Variants in PROSER2 observed in about 807,000 individuals in gnomAD.
PROSER2 encodes proline and serine-rich protein 2.
In PROSER2, 18 loss-of-function variants were observed where a neutral mutation model predicts 14.6. That is an observed-to-expected ratio of 1.23 (90% CI 0.85 to 1.83). PROSER2 has a LOEUF of 1.83. PROSER2 is among the 40% of genes most tolerant of loss of function. PROSER2 has a pLI of 0.00. For synonymous variants in PROSER2, 367 were observed against 286.4 expected (o/e 1.28, Z -2.84); for missense variants, 823 against 629.8 (o/e 1.31, Z -3.28).
chr10:11,848,150 T>G (rs960715901), intron 1 of PROSER2, among the ~76,000 whole-genome samples: 2 of 151,828 alleles, frequency 1.3e-5, no homozygotes, highest in Non-Finnish European at 2.9e-5. Context: ...TGTTTTTGTT[T>G]TGTTTTGTTT....
Position 11,869,087 on chromosome 10 carries a change from TCATC to T in PROSER2, c.392-400_392-397del, listed in dbSNP as rs761322698. On this transcript the variant is annotated intron_variant, in intron 3 of 3. Transcript: ENST00000277570. The surrounding 1 kb of genome is among the most constrained non-coding windows in gnomAD (Gnocchi z 4.4). ...GGAAAGTGACACAGCTACATGTCCT[TCATC>T]CAGAAAGACCTGCTGGTGTCGGTGT... 2.0e-4 allele frequency among the ~76,000 whole-genome samples: 30 copies of T among 152,206 alleles called. No homozygotes were observed. Among genetic ancestry groups the T allele is most frequent in the Non-Finnish European group, 1.2e-4 (8 of 68,028 alleles).
chr10:11,842,423 T>C (rs547251258), intron 1 of PROSER2, among the ~76,000 whole-genome samples: 1 of 152,220 alleles, frequency 6.6e-6, no homozygotes, highest in South Asian at 2.1e-4. Flanking sequence ...ATTTAGATGG[T>C]AAATGTTCTG....
At chr10:11,854,918 G>A (rs1302677861) in intron 2 of PROSER2, among the ~76,000 whole-genome samples, 1 of 149,948 alleles carries the variant, frequency 6.7e-6, no homozygotes, top group South Asian at 2.1e-4. Flanking sequence ...TTTTTTTAAT[G>A]TGACTTTTCT....
At chr10:11,825,946 A>T (rs1399442235) in intron 1 of PROSER2, among the ~76,000 whole-genome samples, 3 of 152,210 alleles carry the variant, frequency 2.0e-5, no homozygotes, top group Non-Finnish European at 4.4e-5. Context: ...AGTACATTCC[A>T]TTCCCAATGT....
At chr10:11,829,835 A>AT (rs5783232) in intron 1 of PROSER2, among the ~76,000 whole-genome samples, 26,737 of 66,332 alleles carry the variant, frequency 0.4, 7,839 homozygotes, top group East Asian at 0.68. Context: ...TTTACTTCTG[A>AT]TTTTTTTTTT....
intron 3 of PROSER2, among the ~76,000 whole-genome samples, chr10:11,868,400 C>T (rs1004477741): frequency 1.3e-5 from 2 of 151,892 alleles, no homozygotes; most frequent in Non-Finnish European, 2.9e-5. Context: ...CTCAGCCTCC[C>T]AAGTAGCTGG....
rs1261123003 is a variant in PROSER2, at chr10:11,869,992, C to A, written c.894C>A (p.Ala298=). The change falls in exon 4 of 4, where the codon GCC becomes GCA. Residue 298 remains alanine, a synonymous_variant. Coordinates refer to ENST00000277570, the MANE Select transcript of PROSER2 (RefSeq NM_153256.4). The surrounding 1 kb of genome is among the most constrained non-coding windows in gnomAD (Gnocchi z 4.4). ...ACGGCCACGCCGGCGCCTTCCCCGCCGCGGGGGACGCCGGCGAGGGGGCCC... is the reference window on the plus strand; with the variant it reads ...ACGGCCACGCCGGCGCCTTCCCCGCAGCGGGGGACGCCGGCGAGGGGGCCC... ...TIHGHAGAFP[A]AGDAGEGAPG... The A allele has an allele frequency of 3.7e-5, 47 of 1,267,000 alleles. No individual in the cohort carries two copies. Among genetic ancestry groups the A allele is most frequent in the Non-Finnish European group, 4.1e-5 (41 of 1,009,148 alleles). 78.5% of individuals were successfully genotyped at this position (1,267,000 alleles called of 1,614,324 possible).
At chr10:11,842,928 G>C in intron 1 of PROSER2, among the ~76,000 whole-genome samples, 1 of 51,714 alleles carries the variant, frequency 1.9e-5, no homozygotes, top group Admixed American at 2.5e-4. Flanking sequence ...TTTTGCCATT[G>C]TTCTTTTTTT....
intron 2 of PROSER2, among the ~76,000 whole-genome samples, chr10:11,853,927 G>A (rs865922313): frequency 6.6e-6 from 1 of 152,092 alleles, no homozygotes; most frequent in Non-Finnish European, 1.5e-5. Flanking sequence ...TAGCACTCCC[G>A]TGGTATATGT....
intron 1 of PROSER2, among the ~76,000 whole-genome samples, chr10:11,833,850 C>T (rs1256322999): frequency 2.6e-5 from 4 of 152,020 alleles, no homozygotes; most frequent in South Asian, 2.1e-4. Context: ...CATGAGAGTC[C>T]GGCGGGGAGG....
At chr10:11,863,495 G>C (rs192519013) in intron 2 of PROSER2, among the ~76,000 whole-genome samples, 1 of 150,914 alleles carries the variant, frequency 6.6e-6, no homozygotes, top group African/African-American at 2.4e-5. Flanking sequence ...TCAGGATCGC[G>C]CCACTGCACT....
At chr10:11,843,652 T>C (rs1189490129) in intron 1 of PROSER2, among the ~76,000 whole-genome samples, 3 of 148,880 alleles carry the variant, frequency 2.0e-5, no homozygotes, top group African/African-American at 7.5e-5. Context: ...CACCACTGCC[T>C]TCCAATCTGG....
chr10:11,848,388 C>T (rs1288708871), intron 1 of PROSER2, among the ~76,000 whole-genome samples: 4 of 152,144 alleles, frequency 2.6e-5, no homozygotes, highest in African/African-American at 4.8e-5. Context: ...AGGCTGGTCT[C>T]GAACTCCTGA....
intron 1 of PROSER2, among the ~76,000 whole-genome samples, chr10:11,825,147 T>C (rs1193912282): frequency 1.3e-5 from 2 of 152,162 alleles, no homozygotes; most frequent in African/African-American, 4.8e-5. Context: ...TGTGTGTTGA[T>C]TTGGAAGATC....
At chr10:11,834,637 A>C (rs1273057522) in intron 1 of PROSER2, among the ~76,000 whole-genome samples, 4 of 152,064 alleles carry the variant, frequency 2.6e-5, no homozygotes, top group African/African-American at 9.7e-5. Context: ...CAGGAAGCTG[A>C]GGCAGGAGAA....
At chr10:11,845,367 T>G (rs1425218219) in intron 1 of PROSER2, among the ~76,000 whole-genome samples, 2 of 152,176 alleles carry the variant, frequency 1.3e-5, no homozygotes, top group Non-Finnish European at 2.9e-5. Flanking sequence ...TGCTTTTAAC[T>G]TTTTCTTGTT....
intron 1 of PROSER2, among the ~76,000 whole-genome samples, chr10:11,827,950 T>C (rs1833638487): frequency 6.6e-6 from 1 of 152,180 alleles, no homozygotes; most frequent in African/African-American, 2.4e-5. Flanking sequence ...AGTGCTGGGA[T>C]TACAGGCAAG....
At position 11,837,406 on chromosome 10, in the gene PROSER2, T is replaced by C. The variant is rs1367095623; in HGVS notation, c.-82+13936T>C. ...TAGAAGACATGAACACGAGCTCCGA[T>C]TGCTGGCAGACGGGTTGGGATTGGT... On this transcript the variant is annotated intron_variant, in intron 1 of 3. Transcript: ENST00000277570. The surrounding 1 kb of genome is among the most constrained non-coding windows in gnomAD (Gnocchi z 4.6). Among the ~76,000 whole-genome samples the C allele has an allele frequency of 2.0e-5, 3 of 152,206 alleles. No individual in the cohort carries two copies. The highest frequency in any genetic ancestry group is 4.8e-5 in the African/African-American group (2 of 41,454).
chr10:11,841,435 GTTCT>G (rs1488576241), intron 1 of PROSER2, among the ~76,000 whole-genome samples: 1 of 151,758 alleles, frequency 6.6e-6, no homozygotes, highest in Admixed American at 6.6e-5. Context: ...TTAATTTCAT[GTTCT>G]TTTTCTTGTT....
Sources: allele counts gnomAD v4.1 joint callset (sites outside exome capture counted in the v4.1 genomes callset), GRCh38; gene constraint gnomAD v4.1.1; non-coding constraint Gnocchi (gnomAD v3.1); transcripts MANE v1.5; gene names NCBI Gene and HGNC (gene_info 2026-07-23, HGNC 2026-07-21).